Variants in VXN observed in about 807,000 individuals in gnomAD.
VXN encodes uncharacterized protein C8orf46.
Under a neutral mutation model 23.1 loss-of-function variants are expected in VXN, and 7 were observed. The ratio of observed to expected loss-of-function variants is 0.30; its 90% CI spans 0.17 to 0.57. The LOEUF (loss-of-function observed/expected upper bound fraction) is 0.57. VXN is among the 20% of genes least tolerant of loss of function. The probability of loss-of-function intolerance (pLI) is 0.91; values close to 1 mark genes in which losing one functional copy is unlikely to be tolerated. For missense variants in VXN, 238 were observed against 272.6 expected, an observed-to-expected ratio of 0.87 and a Z score of 0.89; for synonymous variants, 120 against 105.8, an observed-to-expected ratio of 1.13 and a Z score of -0.83.
At chr8:66,494,588 G>A (rs1288445459) in intron 1 of VXN, 1 of 152,246 alleles carries the variant, frequency 6.6e-6, no homozygotes, top group Non-Finnish European at 1.5e-5. Flanking sequence ...CCGCTGACAG[G>A]GCCATTGCAC....
chr8:66,513,447 C>A, intron 4 of VXN, 93 bp from the exon 5 acceptor site: 1 of 1,022,560 alleles, frequency 9.8e-7, no homozygotes, highest in South Asian at 1.3e-5. Flanking sequence ...GGTGGTGGTT[C>A]CATTCAGTCC....
intron 5 of VXN, 72 bp downstream of exon 5, chr8:66,513,709 A>T: frequency 7.5e-7 from 1 of 1,328,538 alleles, no homozygotes; most frequent in Non-Finnish European, 1.1e-6. Flanking sequence ...CCAGAAGAGC[A>T]CCAGGCCGCC....
At chr8:66,493,880 C>T (rs1466402309) in intron 1 of VXN, among the ~76,000 whole-genome samples, 162 bp downstream of exon 1, 1 of 152,008 alleles carries the variant, frequency 6.6e-6, no homozygotes, top group Non-Finnish European at 1.5e-5. Context: ...GAAAGAGGCA[C>T]AAGGATAAAC....
intron 2 of VXN, among the ~76,000 whole-genome samples, chr8:66,499,819 A>C (rs1472460022): frequency 6.6e-6 from 1 of 152,088 alleles, no homozygotes; most frequent in African/African-American, 2.4e-5. Context: ...TAAATCTTGA[A>C]TATCTTTCTA....
chr8:66,505,365 C>T lies in VXN; in HGVS notation c.127-10C>T. 2 of 1,575,284 alleles carry T rather than the reference C, an allele frequency of 1.3e-6. No individual in the cohort carries two copies. Among genetic ancestry groups the T allele is most frequent in the Non-Finnish European group, 1.7e-6 (2 of 1,160,980 alleles). ...AGGAGTGGGCTAACCGCGTTTCCCC[C>T]GCCCGGCAGGTGGTGATCGAGTCGG... On this transcript the variant is annotated splice_polypyrimidine_tract_variant and intron_variant, in intron 2 of 5. Transcript: ENST00000305454.
intron 2 of VXN, among the ~76,000 whole-genome samples, chr8:66,503,037 A>G (rs1164877469): frequency 2.0e-5 from 3 of 151,994 alleles, no homozygotes; most frequent in Admixed American, 6.6e-5. Context: ...TTGTAGAGAC[A>G]GGGTTTTGCC....
Position 66,510,291 on chromosome 8 carries a change from G to C in VXN, c.342+134G>C. On this transcript the variant is annotated intron_variant, in intron 4 of 5. Transcript: ENST00000305454. ...GAGGATTATTAGAAAAGCATAACTGGCAGTTCTTTGCTCCCAAAAGCTCTC... is the reference window on the plus strand; with the variant it reads ...GAGGATTATTAGAAAAGCATAACTGCCAGTTCTTTGCTCCCAAAAGCTCTC... The C allele has an allele frequency of 2.8e-6, 2 of 716,922 alleles. 1 individual carries two copies. Among genetic ancestry groups the C allele is most frequent in the East Asian group, 5.8e-5 (2 of 34,268 alleles). 44.4% of individuals were successfully genotyped at this position (716,922 alleles called of 1,614,324 possible). A position where few individuals can be genotyped will look rare whatever the true frequency, so the allele number is the denominator to read the frequency against.
intron 2 of VXN, among the ~76,000 whole-genome samples, chr8:66,499,125 AT>A (rs1229307242): frequency 2.2e-5 from 3 of 136,972 alleles, no homozygotes; most frequent in Admixed American, 7.3e-5. Flanking sequence ...TTATTTTTTT[AT>A]TTTTTTCTCT....
chr8:66,498,031 G>A (rs1186441991), intron 2 of VXN, among the ~76,000 whole-genome samples: 1 of 152,148 alleles, frequency 6.6e-6, no homozygotes, highest in Non-Finnish European at 1.5e-5. Flanking sequence ...AGTTGGGCAT[G>A]GTGGCGCATG....
At chr8:66,510,357 G>A (rs1416136753) in intron 4 of VXN, 200 bp downstream of exon 4, 1 of 525,580 alleles carries the variant, frequency 1.9e-6, no homozygotes, top group Admixed American at 3.6e-5. Context: ...ATCCCTGGCT[G>A]CTTCTCTCTT....
chr8:66,498,920 TA>T, intron 2 of VXN: 1 of 414,488 alleles, frequency 2.4e-6, no homozygotes, highest in South Asian at 1.7e-5. Context: ...AGGGGTTAGG[TA>T]TGTAGACTTC....
At chr8:66,498,942 G>A in intron 2 of VXN, 1 of 361,162 alleles carries the variant, frequency 2.8e-6, no homozygotes, top group South Asian at 2.1e-5. Context: ...AGAGTCAAAT[G>A]GCCTGGGTTT....
At chr8:66,510,229 C>A in intron 4 of VXN, 72 bp downstream of exon 4, 1 of 1,232,216 alleles carries the variant, frequency 8.1e-7, no homozygotes, top group Non-Finnish European at 1.2e-6. Flanking sequence ...TTCTCCTGTG[C>A]CATGAAGAGA....
chr8:66,503,535 C>G (rs561500363), intron 2 of VXN: 1 of 152,302 alleles, frequency 6.6e-6, no homozygotes, highest in South Asian at 2.1e-4. Flanking sequence ...GGAAGTATTA[C>G]TTTATTGTGA....
chr8:66,505,752 G>A (rs1234701658), intron 3 of VXN, among the ~76,000 whole-genome samples: 1 of 152,232 alleles, frequency 6.6e-6, no homozygotes, highest in African/African-American at 2.4e-5. Context: ...CTATAAAACA[G>A]TCACTCCTAG....
At chr8:66,513,358 T>C (rs1363780167) in intron 4 of VXN, among the ~76,000 whole-genome samples, 182 bp from the exon 5 acceptor site, 4 of 152,190 alleles carry the variant, frequency 2.6e-5, no homozygotes, top group Admixed American at 2.0e-4. Flanking sequence ...ACTCAGAAGC[T>C]GGGGTGGGGC....
Position 66,493,625 on chromosome 8 carries a change from G to A in VXN, c.-24G>A, listed in dbSNP as rs2130537667. 1 of 1,610,378 alleles carries A rather than the reference G, an allele frequency of 6.2e-7. No individual in the cohort carries two copies. ...AGAGACAGAGGCCTCCAGTTCCCAG[G>A]CACTTCGGGAAGAGGAGGCTGAAAT... On this transcript the variant is annotated 5_prime_UTR_variant, in exon 1 of 6. Coordinates refer to ENST00000305454, the MANE Select transcript of VXN (RefSeq NM_152765.4).
In VXN at chr8:66,516,158, A is replaced by G. The variant is rs1807893119; in HGVS notation, c.*82A>G. Reference sequence around the variant, plus strand: ...ACCTTCAGGATTGAAACTGAGCCACACGCACCTCTGCTAGTAGCTGGTCCA... The same window carrying G: ...ACCTTCAGGATTGAAACTGAGCCACGCGCACCTCTGCTAGTAGCTGGTCCA... On this transcript the variant is annotated 3_prime_UTR_variant, in exon 6 of 6. Coordinates refer to ENST00000305454, the MANE Select transcript of VXN (RefSeq NM_152765.4). 3.1e-6 allele frequency: 4 copies of G among 1,291,646 alleles called. No individual in the cohort carries two copies. Among genetic ancestry groups the G allele is most frequent in the Non-Finnish European group, 4.2e-6 (4 of 959,626 alleles). The allele number at this position is 1,291,646 out of a possible 1,614,324, so 80.0% of individuals were successfully genotyped here.
At position 66,506,209 on chromosome 8, in the gene VXN, G is replaced by C. The variant is rs545400231; in HGVS notation, c.280+681G>C. 1.4e-4 allele frequency among the ~76,000 whole-genome samples: 18 copies of C among 132,878 alleles called. No homozygotes were observed. In the South Asian group the frequency reaches 3.9e-3, roughly 29 times the overall value. The allele number at this position is 132,878 out of a possible 152,430, so 87.2% of individuals were successfully genotyped here. ...GGAGGATCACATAATTTATTTAACA[G>C]AGAGAGAGAGAGAGAGAGAGACAGT... On this transcript the variant is annotated intron_variant, in intron 3 of 5. Transcript: ENST00000305454.
Sources: allele counts gnomAD v4.1 joint callset (sites outside exome capture counted in the v4.1 genomes callset), GRCh38; gene constraint gnomAD v4.1.1; transcripts MANE v1.5; gene names NCBI Gene and HGNC (gene_info 2026-07-23, HGNC 2026-07-21).